Variants in MB21D2 observed in about 807,000 individuals in gnomAD.
MB21D2 encodes nucleotidyltransferase MB21D2.
MB21D2 carries 9 observed loss-of-function variants against 33.3 expected under a neutral mutation model. The observed-to-expected ratio is 0.27, with a 90% CI of 0.16 to 0.47. The LOEUF is 0.47. MB21D2 is among the 20% of genes least tolerant of loss of function. The pLI, the probability that MB21D2 is intolerant of heterozygous loss-of-function variation, is 0.99. For missense variants in MB21D2, 540 were observed against 624.6 expected (o/e 0.86, Z 1.44); for synonymous variants, 241 against 236.3 (o/e 1.02, Z -0.18).
At chr3:192,880,599 C>A (rs146479520) in intron 1 of MB21D2, among the ~76,000 whole-genome samples, 1 of 152,006 alleles carries the variant, frequency 6.6e-6, no homozygotes, top group East Asian at 1.9e-4. Flanking sequence ...AGGAAAAGCA[C>A]GGCCTAGGGC....
intron 1 of MB21D2, among the ~76,000 whole-genome samples, chr3:192,906,570 T>C (rs1424278770): frequency 6.6e-6 from 1 of 152,200 alleles, no homozygotes; most frequent in Non-Finnish European, 1.5e-5. Flanking sequence ...GCTGCTTCCA[T>C]TTCAAACGTC....
chr3:192,827,117 C>T (rs959402708), intron 1 of MB21D2, among the ~76,000 whole-genome samples: 6 of 152,030 alleles, frequency 3.9e-5, no homozygotes, highest in Non-Finnish European at 5.9e-5. Context: ...AGGATGGTCT[C>T]GATCTCCTGA....
intron 1 of MB21D2, among the ~76,000 whole-genome samples, chr3:192,912,230 T>C (rs1365582035): frequency 6.6e-6 from 1 of 152,206 alleles, no homozygotes; most frequent in East Asian, 1.9e-4. Context: ...AAGGCCCTTA[T>C]GAATTTCTCA....
At position 192,804,426 on chromosome 3, in the gene MB21D2, TACACACACACACACACACAC is replaced by T. The variant is rs10552964; in HGVS notation, c.212-4796_212-4777del. 2.7e-5 allele frequency among the ~76,000 whole-genome samples: 4 copies of T among 147,062 alleles called. No individual in the cohort carries two copies. The South Asian group carries it at 8.8e-4, about 32-fold the overall frequency. Reference sequence around the variant, plus strand: ...CCTGTATAGACTTCTTTAAAACAGATACACACACACACACACACACACACACACACACACACTTACATATG... The same window carrying T: ...CCTGTATAGACTTCTTTAAAACAGATACACACACACACACACTTACATATG... On this transcript the variant is annotated intron_variant, in intron 1 of 1. Coordinates refer to ENST00000392452, the MANE Select transcript of MB21D2 (RefSeq NM_178496.4).
At chr3:192,847,568 T>G (rs1270689139) in intron 1 of MB21D2, among the ~76,000 whole-genome samples, 7 of 152,218 alleles carry the variant, frequency 4.6e-5, no homozygotes, top group Non-Finnish European at 1.0e-4. Flanking sequence ...TTAACTTCCT[T>G]TGTTCTACAG....
At chr3:192,827,835 T>C (rs1256578089) in intron 1 of MB21D2, among the ~76,000 whole-genome samples, 1 of 152,144 alleles carries the variant, frequency 6.6e-6, no homozygotes, top group African/African-American at 2.4e-5. Context: ...AGCTTTTTGT[T>C]TGATATGGTT....
At chr3:192,841,285 G>A (rs1466943339) in intron 1 of MB21D2, among the ~76,000 whole-genome samples, 2 of 152,240 alleles carry the variant, frequency 1.3e-5, no homozygotes, top group East Asian at 3.8e-4. Flanking sequence ...AGCCTGCCAG[G>A]TGGCCCCTAA....
At chr3:192,911,735 G>A (rs1450898605) in intron 1 of MB21D2, among the ~76,000 whole-genome samples, 3 of 152,152 alleles carry the variant, frequency 2.0e-5, no homozygotes, top group African/African-American at 7.2e-5. Flanking sequence ...CTTCTCTCAA[G>A]GACGAAGGGC....
rs1286701068 is a variant in MB21D2 at position 192,905,656 on chromosome 3, AAAAAG to A, written c.211+11969_211+11973del. 8.4e-4 allele frequency among the ~76,000 whole-genome samples: 98 copies of A among 116,380 alleles called. 1 individual carries two copies. The highest frequency in any genetic ancestry group is 2.7e-3 in the East Asian group (11 of 4,120). The allele number at this position is 116,380 out of a possible 152,430, so 76.3% of individuals were successfully genotyped here. On this transcript the variant is annotated intron_variant, in intron 1 of 1. Coordinates refer to ENST00000392452, the MANE Select transcript of MB21D2 (RefSeq NM_178496.4). Reference sequence around the variant, plus strand: ...GTCTCAAAAAAAAAAAAAAAAAAAGAAAAAGAAAAGAAAAGAAAAGAAAAATTAGC... The same window carrying A: ...GTCTCAAAAAAAAAAAAAAAAAAAGAAAAAGAAAAGAAAAGAAAAATTAGC...
At chr3:192,817,784 CAGA>C (rs1224443433) in intron 1 of MB21D2, among the ~76,000 whole-genome samples, 35 of 152,154 alleles carry the variant, frequency 2.3e-4, no homozygotes, top group Non-Finnish European at 4.4e-5. Context: ...CATAGGCTGC[CAGA>C]AGGAGCTTCT....
At chr3:192,836,440 G>T (rs555072490) in intron 1 of MB21D2, among the ~76,000 whole-genome samples, 1 of 152,090 alleles carries the variant, frequency 6.6e-6, no homozygotes, top group African/African-American at 2.4e-5. Flanking sequence ...TATTGTATTT[G>T]GAAATACAGC....
chr3:192,910,805 T>C (rs1247477219), intron 1 of MB21D2, among the ~76,000 whole-genome samples: 1 of 152,220 alleles, frequency 6.6e-6, no homozygotes, highest in Non-Finnish European at 1.5e-5. Flanking sequence ...TTGCATTTTC[T>C]ATCATTGGAA....
At chr3:192,843,146 CATGAGGG>C (rs1163818864) in intron 1 of MB21D2, among the ~76,000 whole-genome samples, 1 of 152,204 alleles carries the variant, frequency 6.6e-6, no homozygotes, top group Non-Finnish European at 1.5e-5. Context: ...CTGAAGATTA[CATGAGGG>C]CTAGCATCCA....
intron 1 of MB21D2, among the ~76,000 whole-genome samples, chr3:192,859,823 G>A (rs1712999960): frequency 6.6e-6 from 1 of 152,216 alleles, no homozygotes; most frequent in Non-Finnish European, 1.5e-5. Flanking sequence ...ATCCCATGTG[G>A]AGGAAACAAT....
intron 1 of MB21D2, among the ~76,000 whole-genome samples, chr3:192,907,122 T>C (rs1341315419): frequency 6.6e-6 from 1 of 152,152 alleles, no homozygotes; most frequent in Admixed American, 6.5e-5. Flanking sequence ...GATAGCTGTT[T>C]CCTGGAAACA....
At chr3:192,861,848 T>C (rs79676825) in intron 1 of MB21D2, among the ~76,000 whole-genome samples, 2 of 152,232 alleles carry the variant, frequency 1.3e-5, no homozygotes, top group Admixed American at 6.5e-5. Context: ...ATTTCTATCA[T>C]GAACCATGTC....
intron 1 of MB21D2, among the ~76,000 whole-genome samples, chr3:192,849,474 C>G (rs954530810): frequency 4.2e-4 from 64 of 152,110 alleles, no homozygotes; most frequent in Admixed American, 1.6e-3. Flanking sequence ...TGTGCCACCA[C>G]GCCCAGCTAA....
At chr3:192,885,435 C>T (rs756309751) in intron 1 of MB21D2, among the ~76,000 whole-genome samples, 2 of 152,016 alleles carry the variant, frequency 1.3e-5, no homozygotes, top group African/African-American at 2.4e-5. Context: ...AATTTGTGAC[C>T]TTTATCACAC....
intron 1 of MB21D2, among the ~76,000 whole-genome samples, chr3:192,887,621 A>G (rs929910855): frequency 2.0e-5 from 3 of 152,152 alleles, no homozygotes; most frequent in Admixed American, 1.3e-4. Flanking sequence ...ATGGGGGTTC[A>G]TTATACCAGT....
Sources: allele counts gnomAD v4.1 joint callset (sites outside exome capture counted in the v4.1 genomes callset), GRCh38; gene constraint gnomAD v4.1.1; transcripts MANE v1.5; gene names NCBI Gene and HGNC (gene_info 2026-07-23, HGNC 2026-07-21).